TSPEAR: variants seen among roughly 807,000 people sequenced by gnomAD.
TSPEAR encodes the protein thrombospondin-type laminin G domain and EAR repeat-containing protein.
A neutral mutation model predicts 71.6 loss-of-function variants in TSPEAR; 69 were observed. The ratio of observed to expected loss-of-function variants is 0.96; its 90% CI spans 0.79 to 1.18. The LOEUF is 1.18. Ranked by LOEUF, TSPEAR falls within the 50% of genes most tolerant of loss-of-function variation. The pLI, the probability that TSPEAR is intolerant of heterozygous loss-of-function variation, is 0.00. For synonymous variants in TSPEAR, 402 were observed against 387.2 expected (o/e 1.04, Z -0.45); for missense variants, 971 against 894.9 (o/e 1.09, Z -1.09).
rs372202345 is a variant in TSPEAR, at chr21:44,702,780, A to G, written c.82+8653T>C. 707 of 1,305,660 alleles carry G rather than the reference A, an allele frequency of 5.4e-4. 15 individuals carry two copies. In the South Asian group the frequency reaches 8.3e-3, roughly 15 times the overall value. The allele number at this position is 1,305,660 out of a possible 1,614,324, so 80.9% of individuals were successfully genotyped here. On this transcript the variant is annotated intron_variant, in intron 1 of 11. Coordinates refer to ENST00000323084, the MANE Select transcript of TSPEAR (RefSeq NM_144991.3). ...ACCTGGCCTGCTGAGGCCTCTGCTC[A>G]GGCCAGAAGCCCAGCTACTGACGGG...
chr21:44,515,643 G>C (rs1359841511), intron 9 of TSPEAR: 1 of 152,188 alleles, frequency 6.6e-6, no homozygotes, highest in Non-Finnish European at 1.5e-5. Context: ...TCCAGTCCTT[G>C]GTGTAGATCA....
intron 2 of TSPEAR, among the ~76,000 whole-genome samples, chr21:44,549,328 G>A (rs1555918165): frequency 6.6e-6 from 1 of 152,156 alleles, no homozygotes; most frequent in African/African-American, 2.4e-5. Context: ...GACTGATCAG[G>A]CTGTTTGAAG....
chr21:44,691,952 A>T (rs1987139646), intron 1 of TSPEAR, among the ~76,000 whole-genome samples: 1 of 152,216 alleles, frequency 6.6e-6, no homozygotes, highest in Non-Finnish European at 1.5e-5. Flanking sequence ...AGATGCAAAA[A>T]TTCTCAACAA....
intron 1 of TSPEAR, chr21:44,574,100 C>T (rs1555923216): frequency 6.3e-7 from 1 of 1,597,198 alleles, no homozygotes; most frequent in African/African-American, 1.3e-5. Flanking sequence ...TGCCCGTCTG[C>T]TGCAAGACTG....
intron 1 of TSPEAR, among the ~76,000 whole-genome samples, chr21:44,617,558 GA>G (rs1555932793): frequency 1.3e-5 from 2 of 152,236 alleles, no homozygotes; most frequent in Non-Finnish European, 2.9e-5. Context: ...CAGATTCCTA[GA>G]AATACAACTG....
chr21:44,515,187 A>C (rs931822348), intron 9 of TSPEAR, among the ~76,000 whole-genome samples: 1 of 152,260 alleles, frequency 6.6e-6, no homozygotes, highest in Non-Finnish European at 1.5e-5. Context: ...TAGGACCTAA[A>C]AGGATTTCAA....
intron 1 of TSPEAR, among the ~76,000 whole-genome samples, chr21:44,587,058 G>T (rs1489171483): frequency 7.2e-5 from 11 of 152,170 alleles, no homozygotes; most frequent in African/African-American, 2.7e-4. Flanking sequence ...ACAAGAGAAA[G>T]AAATAAAAGG....
At chr21:44,620,144 G>A (rs1029286076) in intron 1 of TSPEAR, among the ~76,000 whole-genome samples, 3 of 152,240 alleles carry the variant, frequency 2.0e-5, no homozygotes, top group African/African-American at 7.2e-5. Context: ...AGAACGCGTT[G>A]GGATGACATA....
chr21:44,642,212 G>A lies in TSPEAR; in HGVS notation c.82+69221C>T, dbSNP rs1191631543. On this transcript the variant is annotated intron_variant, in intron 1 of 11. Transcript: ENST00000323084. This position sits in a 1 kb window ranked among gnomAD's most constrained non-coding sequence, Gnocchi z 4.1. ...AACAAGACAAAAATTTTAATACAAT[G>A]ATATCCAGGAAAATATGGAAATGGT... Among the ~76,000 whole-genome samples the A allele has an allele frequency of 2.0e-5, 3 of 152,094 alleles. No homozygotes were observed. The highest frequency in any genetic ancestry group is 4.4e-5 in the Non-Finnish European group (3 of 68,024).
At chr21:44,574,319 C>T (rs1978310123) in intron 1 of TSPEAR, 1 of 1,612,320 alleles carries the variant, frequency 6.2e-7, no homozygotes, top group Non-Finnish European at 8.5e-7. Flanking sequence ...GCCCCTGCTG[C>T]CAGGCGGTCT....
intron 11 of TSPEAR, among the ~76,000 whole-genome samples, chr21:44,503,042 C>G (rs868979509): frequency 5.7e-3 from 733 of 128,382 alleles, no homozygotes; most frequent in African/African-American, 0.022. Context: ...CGGGGGGAAG[C>G]AAGGCTCTGG....
chr21:44,531,733 T>A lies in TSPEAR; in HGVS notation c.543-600A>T, dbSNP rs2052976917. On this transcript the variant is annotated intron_variant, in intron 3 of 11. Coordinates refer to ENST00000323084, the MANE Select transcript of TSPEAR (RefSeq NM_144991.3). ...CTCCCTCCACTGAGCTCCTGCACCA[T>A]CACCCGGCCTGGGGTGCTGGGACAG... Among the ~76,000 whole-genome samples, 7 of 152,142 alleles carry A rather than the reference T, an allele frequency of 4.6e-5. No individual in the cohort carries two copies. The South Asian group carries it at 1.5e-3, about 32-fold the overall frequency.
chr21:44,610,297 G>A (rs587633271), intron 1 of TSPEAR, among the ~76,000 whole-genome samples: 1 of 152,326 alleles, frequency 6.6e-6, no homozygotes, highest in South Asian at 2.1e-4. Flanking sequence ...CCCATCAGAG[G>A]CCTGGAGGCC....
intron 1 of TSPEAR, among the ~76,000 whole-genome samples, chr21:44,586,464 A>T (rs983255020): frequency 2.0e-5 from 3 of 152,118 alleles, no homozygotes; most frequent in Non-Finnish European, 4.4e-5. Context: ...TTTAAAAAAA[A>T]TTTACCAAGA....
chr21:44,632,061 G>A (rs1983288661), intron 1 of TSPEAR, among the ~76,000 whole-genome samples: 2 of 152,084 alleles, frequency 1.3e-5, no homozygotes, highest in Non-Finnish European at 2.9e-5. Context: ...CTTAAAATGG[G>A]ATAAATTTCA....
chr21:44,516,225 C>T (rs1055068181), intron 9 of TSPEAR: 4 of 152,408 alleles, frequency 2.6e-5, no homozygotes, highest in Admixed American at 2.0e-4. Context: ...CCAGGGCTTT[C>T]AGAATGAGGC....
chr21:44,596,394 A>G (rs1230764405), intron 1 of TSPEAR, among the ~76,000 whole-genome samples: 1 of 152,218 alleles, frequency 6.6e-6, no homozygotes, highest in Non-Finnish European at 1.5e-5. Flanking sequence ...AGTGTGGGGC[A>G]CACAGCCAGT....
intron 1 of TSPEAR, among the ~76,000 whole-genome samples, chr21:44,655,527 G>A (rs372674106): frequency 2.2e-4 from 34 of 152,328 alleles, no homozygotes; most frequent in Admixed American, 1.5e-3. Flanking sequence ...CTCTGCAGAC[G>A]GAGCCCAGGA....
intron 10 of TSPEAR, chr21:44,508,678 A>C: frequency 8.3e-7 from 1 of 1,210,594 alleles, no homozygotes; most frequent in South Asian, 1.4e-5. Flanking sequence ...TTTCTCGTAC[A>C]TACAGACCCA....
Sources: gnomAD v4.1 joint callset for allele counts (sites outside exome capture counted in the v4.1 genomes callset) on GRCh38, gnomAD v4.1.1 for gene constraint, Gnocchi (gnomAD v3.1) non-coding constraint, MANE v1.5 for transcripts, NCBI Gene and HGNC (gene_info 2026-07-23, HGNC 2026-07-21) for gene names.